SCAPER: variants seen among roughly 807,000 people sequenced by gnomAD.
SCAPER encodes S-phase cyclin A associated protein in the ER, also known as S phase cyclin A-associated protein in the endoplasmic reticulum.
Under a neutral mutation model 182.2 loss-of-function variants are expected in SCAPER, and 98 were observed. The ratio of observed to expected loss-of-function variants is 0.54; its 90% CI spans 0.46 to 0.64. SCAPER has a LOEUF of 0.64. Among genes scored for constraint, SCAPER ranks in the 30% least tolerant of loss-of-function variants. The pLI is 0.00. For missense variants in SCAPER, 1,432 were observed against 1,690.0 expected (o/e 0.85, Z 2.68); for synonymous variants, 605 against 564.6 (o/e 1.07, Z -1.01).
chr15:76,877,288 T>C lies in SCAPER; in HGVS notation c.6+6524A>G, dbSNP rs139612331. Among the ~76,000 whole-genome samples the C allele has an allele frequency of 6.5e-4, 97 of 150,298 alleles. 2 individuals are homozygous for C. The highest frequency in any genetic ancestry group is 2.2e-3 in the African/African-American group (90 of 40,994). ...GGGACAATCTGAGTACCAAAATAAATAATGATTATGTTAGATTACATTAAA... is the reference window on the plus strand; with the variant it reads ...GGGACAATCTGAGTACCAAAATAAACAATGATTATGTTAGATTACATTAAA... On this transcript the variant is annotated intron_variant, in intron 2 of 31. Coordinates refer to ENST00000563290, the MANE Select transcript of SCAPER (RefSeq NM_020843.4).
chr15:76,583,350 C>CAAA (rs35851130), intron 22 of SCAPER, among the ~76,000 whole-genome samples: 13 of 105,554 alleles, frequency 1.2e-4, no homozygotes, highest in Admixed American at 3.1e-4. Flanking sequence ...GACTCCATCT[C>CAAA]AAAAAAAAAA....
rs780568492 is a variant in SCAPER, at chr15:76,517,352, C to CT, written c.2839-12379dup. 8.7e-3 allele frequency among the ~76,000 whole-genome samples: 1,204 copies of CT among 138,454 alleles called. 11 individuals carry two copies. The highest frequency in any genetic ancestry group is 0.027 in the African/African-American group (1,006 of 37,878). The allele number at this position is 138,454 out of a possible 152,430, so 90.8% of individuals were successfully genotyped here. A position where few individuals can be genotyped will look rare whatever the true frequency, so the allele number is the denominator to read the frequency against. ...GTCGAGCTTTCCTTTATATTAACAT[C>CT]TTTTTTTTTTTTTTTTAGATGGAGT... is the stretch of plus-strand genomic sequence containing the variant. On this transcript the variant is annotated intron_variant, in intron 23 of 31. Transcript: ENST00000563290.
intron 1 of SCAPER, 67 bp from the exon 2 acceptor site, chr15:76,883,943 G>GATACAAATCTCATCCCCACACTT (rs1329928802): frequency 1.2e-5 from 9 of 766,430 alleles, no homozygotes; most frequent in Non-Finnish European, 1.6e-5. Flanking sequence ...TTCATAAAAA[G>GATACAAATCTCATCCCCACACTT]ATACAAATCT....
chr15:76,555,484 G>A (rs567339326), intron 23 of SCAPER, among the ~76,000 whole-genome samples: 4 of 152,244 alleles, frequency 2.6e-5, no homozygotes, highest in African/African-American at 9.6e-5. Context: ...GTCTTCAAGA[G>A]ACTCATCTCA....
intron 25 of SCAPER, among the ~76,000 whole-genome samples, chr15:76,447,694 ATAT>A (rs377586589): frequency 7.0e-4 from 106 of 152,320 alleles, no homozygotes; most frequent in African/African-American, 2.3e-3. Context: ...CTCTGAAATA[ATAT>A]TATTATCTGA....
chr15:76,563,048 T>C lies in SCAPER; in HGVS notation c.2838+11110A>G, dbSNP rs143858389. Among the ~76,000 whole-genome samples, 370 of 152,270 alleles carry C rather than the reference T, an allele frequency of 2.4e-3. 2 individuals are homozygous for C. Among genetic ancestry groups the C allele is most frequent in the African/African-American group, 7.8e-3 (324 of 41,556 alleles). ...CATGTGGTGTTTAGAAACAGACCCTTAAGTGATAAAACCATAAAGAAAAGG... is the reference window on the plus strand; with the variant it reads ...CATGTGGTGTTTAGAAACAGACCCTCAAGTGATAAAACCATAAAGAAAAGG... On this transcript the variant is annotated intron_variant, in intron 23 of 31. Coordinates refer to ENST00000563290, the MANE Select transcript of SCAPER (RefSeq NM_020843.4).
At chr15:76,556,199 G>C (rs1834294637) in intron 23 of SCAPER, among the ~76,000 whole-genome samples, 1 of 152,108 alleles carries the variant, frequency 6.6e-6, no homozygotes, top group South Asian at 2.1e-4. Context: ...AAATAAGGCA[G>C]AAATGAAATT....
intron 5 of SCAPER, among the ~76,000 whole-genome samples, chr15:76,824,021 T>C (rs1317021792): frequency 1.3e-5 from 2 of 152,134 alleles, no homozygotes; most frequent in African/African-American, 2.4e-5. Flanking sequence ...TTTCAAGGAA[T>C]GTTTAACTCA....
intron 20 of SCAPER, among the ~76,000 whole-genome samples, chr15:76,692,726 G>GA (rs2058436783): frequency 4.2e-5 from 6 of 142,856 alleles, no homozygotes; most frequent in African/African-American, 1.3e-4. Context: ...AAAGGAAAAG[G>GA]AAAGGAAAGG....
chr15:76,789,443 C>T (rs191173642), intron 8 of SCAPER, among the ~76,000 whole-genome samples: 1 of 152,222 alleles, frequency 6.6e-6, no homozygotes, highest in East Asian at 1.9e-4. Context: ...AGAAATGCTG[C>T]TTAAAATTGG....
chr15:76,719,953 A>C (rs1171214967), intron 17 of SCAPER, among the ~76,000 whole-genome samples: 1 of 151,930 alleles, frequency 6.6e-6, no homozygotes, highest in African/African-American at 2.4e-5. Flanking sequence ...TTACACTTTA[A>C]GTTTTAGGGT....
intron 5 of SCAPER, among the ~76,000 whole-genome samples, chr15:76,808,517 T>C (rs2066350824): frequency 6.6e-6 from 1 of 152,120 alleles, no homozygotes; most frequent in African/African-American, 2.4e-5. Flanking sequence ...TTTAAACAGG[T>C]AGGGCTCCAG....
intron 21 of SCAPER, among the ~76,000 whole-genome samples, chr15:76,646,844 T>C (rs994807146): frequency 3.3e-5 from 5 of 152,204 alleles, no homozygotes; most frequent in South Asian, 2.1e-4. Context: ...CTGTAGAACA[T>C]TTCCCTCATC....
intron 26 of SCAPER, among the ~76,000 whole-genome samples, chr15:76,427,801 C>A (rs1235753355): frequency 6.6e-6 from 1 of 151,990 alleles, no homozygotes. Flanking sequence ...TGAGTGGTAC[C>A]AAGTGCCTGT....
chr15:76,687,057 GAT>G (rs1257086738), intron 20 of SCAPER, among the ~76,000 whole-genome samples: 15 of 152,052 alleles, frequency 9.9e-5, no homozygotes, highest in Middle Eastern at 3.5e-3. Flanking sequence ...CAGTAAAAGA[GAT>G]ATAAAAAGTT....
At chr15:76,870,712 A>G (rs1207927541) in intron 2 of SCAPER, among the ~76,000 whole-genome samples, 2 of 152,114 alleles carry the variant, frequency 1.3e-5, no homozygotes, top group African/African-American at 4.8e-5. Flanking sequence ...AGAAAAGAGC[A>G]AAAGAGACAT....
At chr15:76,785,939 T>A (rs1013925925) in intron 8 of SCAPER, among the ~76,000 whole-genome samples, 1 of 152,128 alleles carries the variant, frequency 6.6e-6, no homozygotes, top group African/African-American at 2.4e-5. Flanking sequence ...GACAAGTTGA[T>A]GGGTGCAGTA....
intron 21 of SCAPER, among the ~76,000 whole-genome samples, chr15:76,645,853 G>C (rs954009917): frequency 6.6e-6 from 1 of 152,032 alleles, no homozygotes; most frequent in Non-Finnish European, 1.5e-5. Flanking sequence ...ACACACGAAT[G>C]GGTGTTAAAA....
intron 31 of SCAPER, chr15:76,350,826 C>T: frequency 6.5e-6 from 1 of 154,348 alleles, no homozygotes; most frequent in East Asian, 1.9e-4. Flanking sequence ...CTGTGGGCTA[C>T]TATTACTGAT....
Sources: allele counts gnomAD v4.1 joint callset (sites outside exome capture counted in the v4.1 genomes callset), GRCh38; gene constraint gnomAD v4.1.1; transcripts MANE v1.5; gene names NCBI Gene and HGNC (gene_info 2026-07-23, HGNC 2026-07-21).